The following CSF2RB variants were observed in gnomAD, a reference collection of about 807,000 sequenced individuals.
CSF2RB encodes colony stimulating factor 2 receptor subunit beta, also known as cytokine receptor common subunit beta.
CSF2RB carries 22 observed loss-of-function variants against 67.2 expected under a neutral mutation model. The ratio of observed to expected loss-of-function variants is 0.33; its 90% CI spans 0.23 to 0.47. The LOEUF is 0.47. CSF2RB is among the 20% of genes least tolerant of loss of function. The probability of loss-of-function intolerance (pLI) is 1.00; values close to 1 mark genes in which losing one functional copy is unlikely to be tolerated. For synonymous variants in CSF2RB, 507 were observed against 482.9 expected, an observed-to-expected ratio of 1.05 and a Z score of -0.65; for missense variants, 1,113 against 1,174.5, an observed-to-expected ratio of 0.95 and a Z score of 0.76.
chr22:36,938,714 T>G lies in CSF2RB; in HGVS notation c.*212T>G. The G allele has an allele frequency of 3.5e-6, 2 of 579,484 alleles. No individual in the cohort carries two copies. The highest frequency in any genetic ancestry group is 6.1e-6 in the Non-Finnish European group (2 of 329,330). The allele number at this position is 579,484 out of a possible 1,614,324, so 35.9% of individuals were successfully genotyped here. ...ACAGACACACACACACACACGTACA[T>G]GCACACATTTTTCCTGTCAGGTTAA... On this transcript the variant is annotated 3_prime_UTR_variant, in exon 14 of 14. Transcript: ENST00000403662.
chr22:36,915,882 C>T (rs924359313), intron 1 of CSF2RB, among the ~76,000 whole-genome samples: 1 of 152,076 alleles, frequency 6.6e-6, no homozygotes, highest in East Asian at 1.9e-4. Context: ...TGTACATTTT[C>T]TATATGTGGA....
In CSF2RB at chr22:36,926,206, T is replaced by G. The variant is rs780432541; in HGVS notation, c.391+29T>G. Reference sequence around the variant, plus strand: ...AGGGGCTGGGGGCCCTGCCCGGGGCTTGGTTTCCTGTGTGGACAGCGGGGG... The same window carrying G: ...AGGGGCTGGGGGCCCTGCCCGGGGCGTGGTTTCCTGTGTGGACAGCGGGGG... On this transcript the variant is annotated intron_variant, in intron 4 of 13. Transcript: ENST00000403662. 11 of 1,611,284 alleles carry G rather than the reference T, an allele frequency of 6.8e-6. No individual in the cohort carries two copies. In the South Asian group the frequency reaches 9.9e-5, roughly 14 times the overall value.
chr22:36,926,286 G>A (rs544454928), intron 4 of CSF2RB, 109 bp downstream of exon 4: 4 of 1,154,682 alleles, frequency 3.5e-6, no homozygotes, highest in Non-Finnish European at 5.0e-6. Flanking sequence ...TTGGGGTTGG[G>A]TGAGGGTTTC....
At chr22:36,929,265 G>T in intron 4 of CSF2RB, 137 bp from the exon 5 acceptor site, 3 of 1,083,096 alleles carry the variant, frequency 2.8e-6, no homozygotes, top group East Asian at 2.4e-5. Context: ...CAGAGGAGAC[G>T]GGTCTTGCTC....
intron 1 of CSF2RB, 48 bp from the exon 2 acceptor site, chr22:36,921,988 A>C: frequency 1.7e-6 from 1 of 594,518 alleles, no homozygotes; most frequent in Non-Finnish European, 3.0e-6. Context: ...TGTCCCTGGG[A>C]CACGTGGAAG....
At chr22:36,928,698 T>C (rs74701298) in intron 4 of CSF2RB, among the ~76,000 whole-genome samples, 3,535 of 152,286 alleles carry the variant, frequency 0.023, 57 homozygotes, top group South Asian at 0.066. Flanking sequence ...CCAAAGTTGC[T>C]TACGCGTATT....
At chr22:36,923,111 C>T in intron 2 of CSF2RB, 133 bp from the exon 3 acceptor site, 2 of 1,349,326 alleles carry the variant, frequency 1.5e-6, no homozygotes, top group East Asian at 2.3e-5. Flanking sequence ...GTACATGTGC[C>T]TGGCCACCTG....
chr22:36,919,590 T>A (rs1940804383), intron 1 of CSF2RB, among the ~76,000 whole-genome samples: 1 of 151,638 alleles, frequency 6.6e-6, no homozygotes, highest in Admixed American at 6.6e-5. Flanking sequence ...TTTGCGTTTT[T>A]AGTAAAGACG....
chr22:36,921,305 C>A (rs924577454), intron 1 of CSF2RB, among the ~76,000 whole-genome samples: 5 of 148,340 alleles, frequency 3.4e-5, no homozygotes, highest in Admixed American at 2.7e-4. Context: ...TTGTATGTAT[C>A]TGTGTGTGTC....
chr22:36,923,718 A>T (rs541904701), intron 3 of CSF2RB: 60 of 1,313,050 alleles, frequency 4.6e-5, no homozygotes, highest in Middle Eastern at 4.1e-4. Flanking sequence ...GGGCCAGGCC[A>T]CGAAGCCCCA....
At chr22:36,923,054 G>C (rs995554705) in intron 2 of CSF2RB, among the ~76,000 whole-genome samples, 190 bp from the exon 3 acceptor site, 1 of 152,200 alleles carries the variant, frequency 6.6e-6, no homozygotes, top group Non-Finnish European at 1.5e-5. Context: ...TCTGCCAGGA[G>C]AGGAGGGTCC....
At chr22:36,936,262 G>T (rs1283260064) in intron 12 of CSF2RB, among the ~76,000 whole-genome samples, 1 of 152,144 alleles carries the variant, frequency 6.6e-6, no homozygotes, top group Admixed American at 6.5e-5. Flanking sequence ...GGGTCTCTTG[G>T]CTGGTGTGGA....
chr22:36,923,098 C>A, intron 2 of CSF2RB, 146 bp from the exon 3 acceptor site: 1 of 1,156,744 alleles, frequency 8.6e-7, no homozygotes, highest in Non-Finnish European at 1.3e-6. Flanking sequence ...GACATGAACA[C>A]ATGTACATGT....
Position 36,938,405 on chromosome 22 carries a change from C to T in CSF2RB, c.2597C>T (p.Pro866Leu). The change falls in exon 14 of 14, where the codon CCC becomes CTC. Residue 866 changes from proline to leucine, a missense_variant. Pro to Leu is a moderately conservative substitution (Grantham distance 98). Around this residue, in one of 2 missense-constraint regions of CSF2RB, gnomAD observed 554 missense variants for 517.9 expected, o/e 1.07. Coordinates refer to ENST00000403662, the MANE Select transcript of CSF2RB (RefSeq NM_000395.3). ...AAGAAGCCCCCAGGCCAGGCTGTGC[C>T]CCAGGTGCCCGTCATTCAGCTCTTC... ...QVKKPPGQAV[P>L]QVPVIQLFKA... 1 of 1,614,176 alleles carries T rather than the reference C, an allele frequency of 6.2e-7. No homozygotes were observed. The highest frequency in any genetic ancestry group is 1.1e-5 in the South Asian group (1 of 91,082).
At position 36,938,505 on chromosome 22, in the gene CSF2RB, C is replaced by A. The variant is rs752822192; in HGVS notation, c.*3C>A. ...ACAAGCCTGGGGAGGTGTGTTGAGA[C>A]CCCCAGGCCTAGACAGGCAAGGGGA... On this transcript the variant is annotated 3_prime_UTR_variant, in exon 14 of 14. Transcript: ENST00000403662. 6.2e-7 allele frequency: 1 copy of A among 1,609,782 alleles called. No individual in the cohort carries two copies. Among genetic ancestry groups the A allele is most frequent in the Admixed American group, 1.7e-5 (1 of 59,612 alleles).
Position 36,922,144 on chromosome 22 carries a change from C to A in CSF2RB, c.-64C>A. ...ACAGGACTTCAGGACACTAAGGACCCTGTCATGCCCATGGCCAGCACCCAC... is the reference window on the plus strand; with the variant it reads ...ACAGGACTTCAGGACACTAAGGACCATGTCATGCCCATGGCCAGCACCCAC... On this transcript the variant is annotated 5_prime_UTR_variant, in exon 2 of 14. In the 5' UTR this introduces an upstream ATG that the reference lacks. Coordinates refer to ENST00000403662, the MANE Select transcript of CSF2RB (RefSeq NM_000395.3). 6.9e-7 allele frequency: 1 copy of A among 1,447,260 alleles called. No individual in the cohort carries two copies. Among genetic ancestry groups the A allele is most frequent in the Non-Finnish European group, 9.4e-7 (1 of 1,058,482 alleles). 89.7% of individuals were successfully genotyped at this position (1,447,260 alleles called of 1,614,324 possible). A position where few individuals can be genotyped will look rare whatever the true frequency, so the allele number is the denominator to read the frequency against.
intron 4 of CSF2RB, among the ~76,000 whole-genome samples, chr22:36,926,732 G>A (rs566431793): frequency 2.4e-4 from 36 of 152,330 alleles, no homozygotes; most frequent in Non-Finnish European, 4.4e-4. Flanking sequence ...GTCTAGGGTG[G>A]GGTAGATGAT....
chr22:36,933,800 G>T, intron 9 of CSF2RB, 32 bp from the exon 10 acceptor site: 1 of 1,591,716 alleles, frequency 6.3e-7, no homozygotes. Flanking sequence ...ACGGGCACCG[G>T]GCCAGGCCTC....
chr22:36,925,782 C>G (rs1941001221), intron 3 of CSF2RB, among the ~76,000 whole-genome samples: 1 of 152,198 alleles, frequency 6.6e-6, no homozygotes, highest in Non-Finnish European at 1.5e-5. Context: ...ACATGAAGTT[C>G]TCTCCACTGC....
Sources: allele counts gnomAD v4.1 joint callset (sites outside exome capture counted in the v4.1 genomes callset), GRCh38; gene constraint gnomAD v4.1.1; regional missense constraint gnomAD v4.1.1; transcripts MANE v1.5; gene names NCBI Gene and HGNC (gene_info 2026-07-23, HGNC 2026-07-21).